The following DLGAP2 variants were observed in gnomAD, a reference collection of about 807,000 sequenced individuals.
DLGAP2 encodes the protein DLG associated protein 2.
A neutral mutation model predicts 100.3 loss-of-function variants in DLGAP2; 26 were observed. The observed-to-expected ratio is 0.26, with a 90% CI of 0.19 to 0.36. The LOEUF (loss-of-function observed/expected upper bound fraction) is 0.36. Among genes scored for constraint, DLGAP2 ranks in the 10% least tolerant of loss-of-function variants. The pLI is 1.00. For missense variants in DLGAP2, 1,858 were observed against 1,453.2 expected (o/e 1.28, Z -4.53); for synonymous variants, 886 against 630.1 (o/e 1.41, Z -6.08).
At chr8:1,122,964 C>T (rs921736545) in intron 2 of DLGAP2, among the ~76,000 whole-genome samples, 3 of 152,176 alleles carry the variant, frequency 2.0e-5, no homozygotes, top group East Asian at 1.9e-4. Context: ...GGCTTAGGTC[C>T]GCCAGATAGA....
chr8:1,288,818 AGT>A (rs1178762994), intron 3 of DLGAP2, among the ~76,000 whole-genome samples: 1 of 150,832 alleles, frequency 6.6e-6, no homozygotes, highest in Non-Finnish European at 1.5e-5. Flanking sequence ...GTTTCGGTTC[AGT>A]GTGTGTGTGT....
At chr8:1,001,797 AGAACAAG>A (rs1274118828) in intron 2 of DLGAP2, among the ~76,000 whole-genome samples, 1 of 152,170 alleles carries the variant, frequency 6.6e-6, no homozygotes, top group Non-Finnish European at 1.5e-5. Flanking sequence ...TACAATTTCA[AGAACAAG>A]GAACAAGGAA....
At chr8:967,025 A>T (rs1396633374) in intron 2 of DLGAP2, among the ~76,000 whole-genome samples, 2 of 152,246 alleles carry the variant, frequency 1.3e-5, no homozygotes, top group African/African-American at 4.8e-5. Context: ...CACATGTGTC[A>T]TGTGGACATT....
At chr8:919,914 A>T (rs1032087730) in intron 2 of DLGAP2, among the ~76,000 whole-genome samples, 1 of 152,196 alleles carries the variant, frequency 6.6e-6, no homozygotes, top group Admixed American at 6.5e-5. Context: ...TAGCAGTTTT[A>T]ATAACTCCCT....
rs116011871 is a variant in DLGAP2, at chr8:911,702, G to C, written c.73+3736G>C. Among the ~76,000 whole-genome samples the C allele has an allele frequency of 2.0e-3, 308 of 151,714 alleles. 3 individuals carry two copies. Among genetic ancestry groups the C allele is most frequent in the African/African-American group, 7.2e-3 (298 of 41,306 alleles). Reference sequence around the variant, plus strand: ...TAATGTATGTTGGAAGGATGTTGGAGAATGTTGGAAGGATGTGGGTATAAT... The same window carrying C: ...TAATGTATGTTGGAAGGATGTTGGACAATGTTGGAAGGATGTGGGTATAAT... On this transcript the variant is annotated intron_variant, in intron 2 of 14. Coordinates refer to ENST00000637795, the MANE Select transcript of DLGAP2 (RefSeq NM_001346810.2).
chr8:1,138,430 G>A (rs1796461895), intron 2 of DLGAP2, among the ~76,000 whole-genome samples: 1 of 152,234 alleles, frequency 6.6e-6, no homozygotes, highest in South Asian at 2.1e-4. Flanking sequence ...CTGAACCTGT[G>A]CTTTCTGATC....
chr8:865,426 G>T (rs1234193015), intron 1 of DLGAP2, among the ~76,000 whole-genome samples: 1 of 152,164 alleles, frequency 6.6e-6, no homozygotes, highest in African/African-American at 2.4e-5. Context: ...TTGATTTGCG[G>T]CGTCAGGTCT....
intron 2 of DLGAP2, among the ~76,000 whole-genome samples, chr8:1,142,470 G>A (rs923953010): frequency 3.9e-5 from 6 of 152,162 alleles, no homozygotes; most frequent in Non-Finnish European, 7.3e-5. Flanking sequence ...GTTCCCTTAT[G>A]GCTTCGATAG....
chr8:1,444,486 C>A (rs1045343871), intron 3 of DLGAP2, among the ~76,000 whole-genome samples: 6 of 152,202 alleles, frequency 3.9e-5, no homozygotes, highest in African/African-American at 1.4e-4. Context: ...CATCTGCCTT[C>A]ATTTGCATGG....
At chr8:915,968 C>T (rs897806381) in intron 2 of DLGAP2, among the ~76,000 whole-genome samples, 3 of 151,682 alleles carry the variant, frequency 2.0e-5, no homozygotes, top group Non-Finnish European at 2.9e-5. Flanking sequence ...TCAGTTCACC[C>T]GTCCGTCCAT....
chr8:1,270,244 C>T (rs1344840998), intron 3 of DLGAP2, among the ~76,000 whole-genome samples: 1 of 152,144 alleles, frequency 6.6e-6, no homozygotes, highest in Non-Finnish European at 1.5e-5. Context: ...GAACCGTATA[C>T]ACAGAAGGGA....
intron 5 of DLGAP2, among the ~76,000 whole-genome samples, chr8:1,564,008 T>G (rs1802290296): frequency 6.6e-6 from 1 of 152,208 alleles, no homozygotes; most frequent in Admixed American, 6.5e-5. Flanking sequence ...TAAACAGCAT[T>G]TGGGGAGATT....
In DLGAP2 at chr8:1,697,001, C is replaced by A. The variant is rs529436970; in HGVS notation, c.2797-146C>A. ...AAGTAAACTGTCATGGAAGCATGGC[C>A]TTCCCAAGTATCTGCCTCAGGCTGG... On this transcript the variant is annotated intron_variant, in intron 13 of 14. Transcript: ENST00000637795. 157 of 838,790 alleles carry A rather than the reference C, an allele frequency of 1.9e-4. No individual in the cohort carries two copies. In the Middle Eastern group the frequency reaches 5.3e-3, roughly 28 times the overall value. The allele number at this position is 838,790 out of a possible 1,614,324, so 52.0% of individuals were successfully genotyped here. A position where few individuals can be genotyped will look rare whatever the true frequency, so the allele number is the denominator to read the frequency against.
intron 3 of DLGAP2, among the ~76,000 whole-genome samples, chr8:1,283,101 C>T (rs1799851643): frequency 1.4e-5 from 2 of 146,982 alleles, no homozygotes; most frequent in South Asian, 2.2e-4. Flanking sequence ...GTGACCTGAA[C>T]CCAGCGCCCT....
chr8:800,644 ATG>A (rs1796129121), intron 1 of DLGAP2, among the ~76,000 whole-genome samples: 1 of 151,750 alleles, frequency 6.6e-6, no homozygotes, highest in Non-Finnish European at 1.5e-5. Context: ...GTGCATGTCT[ATG>A]TGTGCACATG....
intron 3 of DLGAP2, among the ~76,000 whole-genome samples, chr8:1,386,094 A>G (rs917689170): frequency 6.6e-6 from 1 of 152,260 alleles, no homozygotes; most frequent in Admixed American, 6.5e-5. Context: ...ACAATCTCCC[A>G]GAAAACAGGA....
intron 6 of DLGAP2, among the ~76,000 whole-genome samples, chr8:1,602,336 T>C (rs1483464602): frequency 2.0e-5 from 3 of 152,250 alleles, no homozygotes; most frequent in African/African-American, 7.2e-5. Flanking sequence ...GATGAATCGA[T>C]GTCACTGAAA....
chr8:1,597,806 A>T (rs1485736536), intron 6 of DLGAP2, among the ~76,000 whole-genome samples: 1 of 152,186 alleles, frequency 6.6e-6, no homozygotes, highest in African/African-American at 2.4e-5. Flanking sequence ...CAATCATGTC[A>T]TCTGCAAACA....
At chr8:1,409,192 C>A (rs1291710572) in intron 3 of DLGAP2, among the ~76,000 whole-genome samples, 20 of 149,948 alleles carry the variant, frequency 1.3e-4, no homozygotes, top group Non-Finnish European at 1.5e-5. Context: ...CCTGGCTCCC[C>A]TTGGACCACT....
Sources: allele counts gnomAD v4.1 joint callset (sites outside exome capture counted in the v4.1 genomes callset), GRCh38; gene constraint gnomAD v4.1.1; transcripts MANE v1.5; gene names NCBI Gene and HGNC (gene_info 2026-07-23, HGNC 2026-07-21).